Variants in MYH11 observed in about 807,000 individuals in gnomAD.
MYH11 encodes myosin-11.
Under a neutral mutation model 246.6 loss-of-function variants are expected in MYH11, and 80 were observed. The observed-to-expected ratio is 0.32, with a 90% CI of 0.27 to 0.39. MYH11 has a LOEUF of 0.39. MYH11 is among the 10% of genes least tolerant of loss of function. The probability of loss-of-function intolerance (pLI) is 1.00; values close to 1 mark genes in which losing one functional copy is unlikely to be tolerated. For missense variants in MYH11, 2,158 were observed against 2,546.8 expected, an observed-to-expected ratio of 0.85 and a Z score of 3.29; for synonymous variants, 1,071 against 1,015.5, an observed-to-expected ratio of 1.05 and a Z score of -1.04.
chr16:15,817,521 G>T (rs748152187), intron 3 of MYH11, among the ~76,000 whole-genome samples: 2 of 152,046 alleles, frequency 1.3e-5, no homozygotes, highest in African/African-American at 2.4e-5. Flanking sequence ...AAAAAAAAAG[G>T]GGGGGAGAAT....
chr16:15,720,100 G>C, intron 34 of MYH11, 51 bp downstream of exon 34: 2 of 1,613,054 alleles, frequency 1.2e-6, no homozygotes, highest in South Asian at 1.1e-5. Context: ...GTGGCCTGAG[G>C]GGAACTGTGC....
At chr16:15,812,899 G>A (rs2043173419) in intron 3 of MYH11, among the ~76,000 whole-genome samples, 1 of 151,526 alleles carries the variant, frequency 6.6e-6, no homozygotes, top group African/African-American at 2.4e-5. Context: ...GGGCACGGTG[G>A]CTCATGCCTG....
chr16:15,718,366 C>T lies in MYH11; in HGVS notation c.5244G>A (p.Glu1748=). ...IAQLEEELEE[E]QGNMEAMSDR... ...CGCTCATGGCCTCCATGTTGCCCTGCTCCTCCTCCAGCTCCTCCTCCAGCT... is the reference window on the plus strand; with the variant it reads ...CGCTCATGGCCTCCATGTTGCCCTGTTCCTCCTCCAGCTCCTCCTCCAGCT... Residue 1748 remains glutamate, a synonymous_variant, in exon 37 of 41, where the codon GAG becomes GAA. Transcript: ENST00000300036. 6 of 1,607,944 alleles carry T rather than the reference C, an allele frequency of 3.7e-6. No homozygotes were observed. The highest frequency in any genetic ancestry group is 5.1e-6 in the Non-Finnish European group (6 of 1,179,354).
intron 12 of MYH11, among the ~76,000 whole-genome samples, chr16:15,759,356 A>G (rs942905241): frequency 6.6e-6 from 1 of 152,150 alleles, no homozygotes; most frequent in Non-Finnish European, 1.5e-5. Flanking sequence ...GACCCTGCCT[A>G]CGGGATCCAG....
At chr16:15,763,741 TCCCCCACC>T in intron 10 of MYH11, 47 bp downstream of exon 10, 1 of 646,862 alleles carries the variant, frequency 1.5e-6, no homozygotes, top group Non-Finnish European at 2.9e-6. Context: ...AAATGTCACC[TCCCCCACC>T]CCCCCAACCC....
At chr16:15,788,075 A>ATTTTTTTTTTTTTTT (rs1555569323) in intron 4 of MYH11, among the ~76,000 whole-genome samples, 782 of 42,566 alleles carry the variant, frequency 0.018, 55 homozygotes, top group African/African-American at 0.098. Flanking sequence ...ATGAAGGTAG[A>ATTTTTTTTTTTTTTT]TCTTTTTTTT....
chr16:15,757,592 AAAG>A (rs2041761838), intron 13 of MYH11, among the ~76,000 whole-genome samples: 1 of 150,768 alleles, frequency 6.6e-6, no homozygotes, highest in African/African-American at 2.4e-5. Context: ...AAGGAAGAAA[AAAG>A]AGGATGGAAG....
intron 11 of MYH11, 92 bp from the exon 12 acceptor site, chr16:15,759,820 G>T: frequency 2.0e-6 from 3 of 1,503,062 alleles, no homozygotes; most frequent in South Asian, 1.2e-5. Flanking sequence ...ATTCTTGGCC[G>T]GGTGCAGTGA....
chr16:15,815,766 G>A (rs1240297768), intron 3 of MYH11, among the ~76,000 whole-genome samples: 1 of 152,112 alleles, frequency 6.6e-6, no homozygotes, highest in Non-Finnish European at 1.5e-5. Flanking sequence ...AAAGCTTCTA[G>A]AGAAGGAGGA....
intron 5 of MYH11, 172 bp downstream of exon 5, chr16:15,786,456 CCA>C (rs762652865): frequency 1.3e-6 from 1 of 784,528 alleles, no homozygotes; most frequent in Non-Finnish European, 2.3e-6. Context: ...AAGAAATCAC[CCA>C]CACTCAACAG....
intron 31 of MYH11, among the ~76,000 whole-genome samples, chr16:15,723,587 G>A (rs887065422): frequency 1.3e-5 from 2 of 152,132 alleles, no homozygotes; most frequent in Non-Finnish European, 2.9e-5. Flanking sequence ...TGGAGGTTGC[G>A]GGGAGCTGAG....
intron 40 of MYH11, among the ~76,000 whole-genome samples, chr16:15,712,059 C>G (rs2039831218): frequency 1.3e-5 from 2 of 152,026 alleles, no homozygotes; most frequent in Non-Finnish European, 2.9e-5. Flanking sequence ...ATAAAGGAGA[C>G]CAAAACGTTA....
chr16:15,783,536 T>C (rs1364229232), intron 5 of MYH11: 1 of 152,196 alleles, frequency 6.6e-6, no homozygotes, highest in Non-Finnish European at 1.5e-5. Flanking sequence ...CAGAGAAAGA[T>C]GAAGCAAAAG....
At position 15,704,037 on chromosome 16, in the gene MYH11, G is replaced by T; in HGVS notation, c.5873C>A (p.Thr1958Lys). The change falls in exon 41 of 41, where the codon ACG becomes AAG. Residue 1958 changes from threonine to lysine, a missense_variant. Physicochemically the swap from Thr to Lys is moderately conservative, Grantham distance 78. Coordinates refer to ENST00000300036, the MANE Select transcript of MYH11 (RefSeq NM_002474.3). ...ATTGAAGTCTGCGTCTCGAGTGTCC[G>T]TTTCCTCCTCAGAACCATCTGCATT... is the stretch of plus-strand genomic sequence containing the variant. ...IENADGSEEE[T>K]DTRDADFNGT... 1 of 1,613,974 alleles carries T rather than the reference G, an allele frequency of 6.2e-7. No individual in the cohort carries two copies. The highest frequency in any genetic ancestry group is 8.5e-7 in the Non-Finnish European group (1 of 1,180,002).
intron 28 of MYH11, chr16:15,725,325 C>T (rs763226594): frequency 1.8e-6 from 1 of 562,644 alleles, no homozygotes. Flanking sequence ...TTGGTAGAGA[C>T]AAAGCAGCAG....
rs398028825 is a variant in MYH11 at position 15,785,008 on chromosome 16, ATTT to A, written c.633+1619_633+1621del. Reference sequence around the variant, plus strand: ...ACACCAGGCCCAGCTAATTCTCTTGATTTTTTTTTTTTTTTTTTTTTGGTACAG... The same window carrying A: ...ACACCAGGCCCAGCTAATTCTCTTGATTTTTTTTTTTTTTTTTTGGTACAG... On this transcript the variant is annotated intron_variant, in intron 5 of 40. Transcript: ENST00000300036. 977 of 97,776 alleles carry A rather than the reference ATTT, an allele frequency of 1.0e-2. 16 individuals carry two copies. The highest frequency in any genetic ancestry group is 0.024 in the African/African-American group (428 of 17,998). 6.1% of individuals were successfully genotyped at this position (97,776 alleles called of 1,614,324 possible).
chr16:15,824,621 A>G (rs1219525785), intron 2 of MYH11, among the ~76,000 whole-genome samples: 1 of 152,182 alleles, frequency 6.6e-6, no homozygotes, highest in Non-Finnish European at 1.5e-5. Flanking sequence ...AGGCATAGAA[A>G]GCCACACACC....
Position 15,741,853 on chromosome 16 carries a change from C to T in MYH11, c.2559G>A (p.Glu853=), listed in dbSNP as rs1426081964. 6.2e-7 allele frequency: 1 copy of T among 1,614,096 alleles called. No individual in the cohort carries two copies. The highest frequency in any genetic ancestry group is 2.2e-5 in the East Asian group (1 of 44,898). Residue 853 remains glutamate (E), a synonymous_variant, in exon 21 of 41, where the codon GAG becomes GAA. Coordinates refer to ENST00000300036, the MANE Select transcript of MYH11 (RefSeq NM_002474.3). ...GCAGTTCATCCTCCTTGGCCTGCAT[C>T]TCCTCCTCCTGCCGTGTCACCTGCA... The part of the protein sequence containing the change: ...PLLQVTRQEE[E]MQAKEDELQK...
At chr16:15,838,412 C>G in intron 1 of MYH11, 143 bp from the exon 2 acceptor site, 1 of 714,822 alleles carries the variant, frequency 1.4e-6, no homozygotes, top group South Asian at 1.6e-5. Flanking sequence ...TGTATGTGGT[C>G]AAAGAACAGA....
Sources: gnomAD v4.1 joint callset for allele counts (sites outside exome capture counted in the v4.1 genomes callset) on GRCh38, gnomAD v4.1.1 for gene constraint, MANE v1.5 for transcripts, NCBI Gene and HGNC (gene_info 2026-07-23, HGNC 2026-07-21) for gene names.